ETS1: variants seen among roughly 807,000 people sequenced by gnomAD.
ETS1 encodes protein C-ets-1.
A neutral mutation model predicts 58.6 loss-of-function variants in ETS1; 15 were observed. The ratio of observed to expected loss-of-function variants is 0.26; its 90% confidence interval spans 0.17 to 0.39. ETS1 has a LOEUF of 0.39. Among genes scored for constraint, ETS1 ranks in the 10% least tolerant of loss-of-function variants. ETS1 has a pLI of 1.00. For missense variants in ETS1, 417 were observed against 610.5 expected, an observed-to-expected ratio of 0.68 and a Z score of 3.34; for synonymous variants, 214 against 218.2, an observed-to-expected ratio of 0.98 and a Z score of 0.17.
intron 3 of ETS1, among the ~76,000 whole-genome samples, chr11:128,517,242 T>C (rs1195675881): frequency 1.3e-5 from 2 of 152,202 alleles, no homozygotes; most frequent in African/African-American, 4.8e-5. Flanking sequence ...CTGTACCTCC[T>C]GAACCCCCAA....
chr11:128,567,008 A>T (rs1017222408), intron 2 of ETS1, among the ~76,000 whole-genome samples: 1 of 152,198 alleles, frequency 6.6e-6, no homozygotes, highest in Admixed American at 6.5e-5. Flanking sequence ...AGTCCTGTGG[A>T]TCAATCAACC....
intron 1 of ETS1, among the ~76,000 whole-genome samples, chr11:128,583,658 T>A (rs545494868): frequency 6.6e-6 from 1 of 152,222 alleles, no homozygotes; most frequent in Non-Finnish European, 1.5e-5. Context: ...AAAGACTAAA[T>A]CTCTTTTAAA....
chr11:128,523,008 T>TC (rs151213883), intron 3 of ETS1, among the ~76,000 whole-genome samples: 26,198 of 152,184 alleles, frequency 0.17, 2,687 homozygotes, highest in South Asian at 0.24. Flanking sequence ...GCCATGAGCT[T>TC]CCGTAAGCTT....
At chr11:128,493,593 C>T (rs1045823151) in intron 3 of ETS1, among the ~76,000 whole-genome samples, 3 of 152,194 alleles carry the variant, frequency 2.0e-5, no homozygotes, top group Non-Finnish European at 2.9e-5. Context: ...ACTTAGGACA[C>T]TTGCATTTGG....
chr11:128,458,880 A>G lies in ETS1; in HGVS notation c.*3481T>C, dbSNP rs1861833909. 6.5e-6 allele frequency: 1 copy of G among 152,736 alleles called. No individual in the cohort carries two copies. The highest frequency in any genetic ancestry group is 1.5e-5 in the Non-Finnish European group (1 of 68,032). The allele number at this position is 152,736 out of a possible 1,614,324, so 9.5% of individuals were successfully genotyped here. ...TGATGTGCCAGCATCAGCTACTAAA[A>G]TAAACAAACAAAAAACTCCGCCATA... On this transcript the variant is annotated 3_prime_UTR_variant, in exon 10 of 10. Coordinates refer to ENST00000392668, the MANE Select transcript of ETS1 (RefSeq NM_001143820.2). This position sits in a 1 kb window ranked among gnomAD's most constrained non-coding sequence, Gnocchi z 4.3.
At chr11:128,492,651 A>G (rs1039533415) in intron 3 of ETS1, among the ~76,000 whole-genome samples, 1 of 152,186 alleles carries the variant, frequency 6.6e-6, no homozygotes, top group Non-Finnish European at 1.5e-5. Flanking sequence ...TGATTACATA[A>G]CATCCAGCCC....
At chr11:128,561,023 G>A (rs1017085962) in intron 2 of ETS1, among the ~76,000 whole-genome samples, 7 of 152,188 alleles carry the variant, frequency 4.6e-5, no homozygotes, top group Non-Finnish European at 7.3e-5. Context: ...AGCTATGTAA[G>A]GAGGAATAAG....
intron 3 of ETS1, among the ~76,000 whole-genome samples, chr11:128,509,848 C>G (rs1863345703): frequency 6.6e-6 from 1 of 152,168 alleles, no homozygotes; most frequent in African/African-American, 2.4e-5. Context: ...TAATTCTGGA[C>G]TCAATTTCTT....
intron 3 of ETS1, among the ~76,000 whole-genome samples, chr11:128,490,886 T>C (rs1862780136): frequency 6.6e-6 from 1 of 151,192 alleles, no homozygotes; most frequent in Non-Finnish European, 1.5e-5. Flanking sequence ...GCCCAGCTAG[T>C]TTTTTTTATT....
intron 2 of ETS1, among the ~76,000 whole-genome samples, chr11:128,558,003 A>G (rs1488356105): frequency 6.6e-6 from 1 of 152,230 alleles, no homozygotes; most frequent in Non-Finnish European, 1.5e-5. Context: ...ATATATTGAC[A>G]CAGAGAAAAA....
intron 3 of ETS1, among the ~76,000 whole-genome samples, chr11:128,496,819 A>G (rs1348725667): frequency 6.6e-6 from 1 of 152,206 alleles, no homozygotes; most frequent in Non-Finnish European, 1.5e-5. Context: ...ACTATAATCC[A>G]CAAAGCTTCT....
chr11:128,527,538 C>T (rs1015745923), intron 3 of ETS1: 1 of 153,874 alleles, frequency 6.5e-6, no homozygotes, highest in African/African-American at 2.4e-5. Context: ...ATGCAGGCTA[C>T]TCTGTGAGCC....
chr11:128,514,604 A>G (rs147330148), intron 3 of ETS1, among the ~76,000 whole-genome samples: 15 of 152,316 alleles, frequency 9.8e-5, no homozygotes, highest in African/African-American at 3.4e-4. Context: ...ACAGACACAG[A>G]AAATACCAAC....
chr11:128,584,264 C>T (rs1228189751), intron 1 of ETS1, among the ~76,000 whole-genome samples: 2 of 152,178 alleles, frequency 1.3e-5, no homozygotes. Context: ...ATCCAGTGTT[C>T]TCCTAGATAA....
At chr11:128,527,973 A>G (rs575968369) in intron 3 of ETS1, among the ~76,000 whole-genome samples, 1 of 152,350 alleles carries the variant, frequency 6.6e-6, no homozygotes, top group Admixed American at 6.5e-5. Context: ...CCCAGAGATC[A>G]AGAAGCAGAG....
chr11:128,493,168 AG>A (rs1316488208), intron 3 of ETS1, among the ~76,000 whole-genome samples: 1 of 152,214 alleles, frequency 6.6e-6, no homozygotes, highest in Non-Finnish European at 1.5e-5. Flanking sequence ...ACTGACTAGG[AG>A]GCCCCCAGAA....
Position 128,551,188 on chromosome 11 carries a change from C to T in ETS1, c.214+5103G>A, listed in dbSNP as rs12417306. Among the ~76,000 whole-genome samples the T allele has an allele frequency of 3.9e-3, 587 of 152,314 alleles. 2 individuals carry two copies. The highest frequency in any genetic ancestry group is 9.6e-3 in the Admixed American group (147 of 15,304). Reference sequence around the variant, plus strand: ...CCATTCTGTAAAACCACAGACCTGCCATAAGAATAAACATTTCAGAGCAAG... The same window carrying T: ...CCATTCTGTAAAACCACAGACCTGCTATAAGAATAAACATTTCAGAGCAAG... On this transcript the variant is annotated intron_variant, in intron 3 of 9. Coordinates refer to ENST00000392668, the MANE Select transcript of ETS1 (RefSeq NM_001143820.2).
At chr11:128,481,657 T>C (rs1862489882) in intron 7 of ETS1, among the ~76,000 whole-genome samples, 1 of 152,176 alleles carries the variant, frequency 6.6e-6, no homozygotes, top group African/African-American at 2.4e-5. Context: ...GGGTGGTTGA[T>C]CTATAAATTT....
chr11:128,585,141 AAAG>A (rs1373908456), intron 1 of ETS1, among the ~76,000 whole-genome samples: 4 of 9,632 alleles, frequency 4.2e-4, no homozygotes, highest in African/African-American at 6.5e-4. Context: ...GAAAGAAAAG[AAAG>A]AAAGAAAGAA....
Sources: allele counts gnomAD v4.1 joint callset (sites outside exome capture counted in the v4.1 genomes callset), GRCh38; gene constraint gnomAD v4.1.1; non-coding constraint Gnocchi (gnomAD v3.1); transcripts MANE v1.5; gene names NCBI Gene and HGNC (gene_info 2026-07-23, HGNC 2026-07-21).